The following SLC12A2 variants were observed in gnomAD, a reference collection of about 807,000 sequenced individuals.
The protein encoded by SLC12A2 is Na-K-2Cl cotransporter 1.
A neutral mutation model predicts 136.3 loss-of-function variants in SLC12A2; 67 were observed. That is an observed-to-expected ratio of 0.49 (90% confidence interval 0.40 to 0.60). The LOEUF (loss-of-function observed/expected upper bound fraction) is 0.60. SLC12A2 is among the 20% of genes least tolerant of loss of function. SLC12A2 has a pLI of 0.00. For synonymous variants in SLC12A2, 619 were observed against 562.9 expected (o/e 1.10, Z -1.41); for missense variants, 1,322 against 1,534.7 (o/e 0.86, Z 2.32).
chr5:128,116,899 T>C (rs1761371216), intron 4 of SLC12A2, among the ~76,000 whole-genome samples: 2 of 152,166 alleles, frequency 1.3e-5, no homozygotes, highest in African/African-American at 4.8e-5. Context: ...CTAACATGGT[T>C]TATTTTGGTA....
chr5:128,176,038 G>A (rs1262275541), intron 20 of SLC12A2, among the ~76,000 whole-genome samples: 3 of 151,722 alleles, frequency 2.0e-5, no homozygotes, highest in Admixed American at 6.6e-5. Flanking sequence ...CTATAGAAAC[G>A]TTTATACATT....
chr5:128,084,813 C>G lies in SLC12A2; in HGVS notation c.756+103C>G. On this transcript the variant is annotated intron_variant, in intron 1 of 26. Transcript: ENST00000262461. The surrounding 1 kb of genome is among the most constrained non-coding windows in gnomAD (Gnocchi z 5.6). The stretch of plus-strand genomic sequence containing the variant: ...GAGTTGAGGTGGCGGGAGTAGTAGA[C>G]GTGCACGACTTGCTGGCATCTCTGG... The G allele has an allele frequency of 7.9e-7, 1 of 1,261,020 alleles. No homozygotes were observed. Among genetic ancestry groups the G allele is most frequent in the Admixed American group, 2.8e-5 (1 of 35,554 alleles). The allele number at this position is 1,261,020 out of a possible 1,614,324, so 78.1% of individuals were successfully genotyped here. A position where few individuals can be genotyped will look rare whatever the true frequency, so the allele number is the denominator to read the frequency against.
Position 128,175,982 on chromosome 5 carries a change from G to T in SLC12A2, c.2930-1123G>T, listed in dbSNP as rs1032223475. Among the ~76,000 whole-genome samples the T allele has an allele frequency of 2.0e-5, 3 of 151,480 alleles. No homozygotes were observed. In the East Asian group the frequency reaches 5.8e-4, roughly 29 times the overall value. ...GAAATTAGTGTTTGCTTTATTTTGTGTTTATTTTCTGTTTAGTCAGTTATT... is the reference window on the plus strand; with the variant it reads ...GAAATTAGTGTTTGCTTTATTTTGTTTTTATTTTCTGTTTAGTCAGTTATT... On this transcript the variant is annotated intron_variant, in intron 20 of 26. Transcript: ENST00000262461.
chr5:128,109,373 C>T (rs899200321), intron 1 of SLC12A2: 1 of 316,028 alleles, frequency 3.2e-6, no homozygotes, highest in Non-Finnish European at 6.2e-6. Flanking sequence ...AGGCAGCACG[C>T]TTTGGAGTCG....
At chr5:128,176,371 T>C (rs10057122) in intron 20 of SLC12A2, among the ~76,000 whole-genome samples, 46,918 of 151,818 alleles carry the variant, frequency 0.31, 8,249 homozygotes, top group African/African-American at 0.48. Context: ...GAGCCCACTG[T>C]AGTATACTCT....
chr5:128,105,432 G>A (rs140177687), intron 1 of SLC12A2, among the ~76,000 whole-genome samples: 3 of 152,320 alleles, frequency 2.0e-5, no homozygotes, highest in Admixed American at 2.0e-4. Flanking sequence ...GTGGCTGACA[G>A]TGTCAGATGG....
chr5:128,147,551 C>A, intron 10 of SLC12A2, 71 bp from the exon 11 acceptor site: 1 of 930,000 alleles, frequency 1.1e-6, no homozygotes, highest in Non-Finnish European at 1.7e-6. Flanking sequence ...AAGATGTGAC[C>A]ACATAATATT....
intron 14 of SLC12A2, 55 bp from the exon 15 acceptor site, chr5:128,152,651 A>G (rs1464637015): frequency 5.6e-6 from 6 of 1,062,620 alleles, no homozygotes; most frequent in East Asian, 4.7e-5. Flanking sequence ...CAGATTGGCT[A>G]TTGATTGGTT....
At chr5:128,171,580 A>G (rs1290051693) in intron 18 of SLC12A2, 87 bp from the exon 19 acceptor site, 8 of 787,916 alleles carry the variant, frequency 1.0e-5, no homozygotes, top group Non-Finnish European at 1.7e-5. Context: ...AATTTTAGAG[A>G]TCATCTATTA....
At chr5:128,099,955 A>C (rs183785359) in intron 1 of SLC12A2, among the ~76,000 whole-genome samples, 2 of 152,322 alleles carry the variant, frequency 1.3e-5, no homozygotes, top group Non-Finnish European at 2.9e-5. Context: ...AGTAAGCTGT[A>C]AAACAATAAT....
Position 128,158,906 on chromosome 5 carries a change from C to A in SLC12A2, c.2475+742C>A, listed in dbSNP as rs1762948184. Among the ~76,000 whole-genome samples the A allele has an allele frequency of 2.7e-5, 4 of 148,030 alleles. No individual in the cohort carries two copies. The South Asian group carries it at 8.5e-4, about 31-fold the overall frequency. ...GACTTTTTAATGATTGCCATTCTGACAGGTGTGAAATAATTTTTTTATACT... is the reference window on the plus strand; with the variant it reads ...GACTTTTTAATGATTGCCATTCTGAAAGGTGTGAAATAATTTTTTTATACT... On this transcript the variant is annotated intron_variant, in intron 16 of 26. Transcript: ENST00000262461.
rs146226492 is a variant in SLC12A2, at chr5:128,146,479, C to G, written c.1774-1143C>G. Among the ~76,000 whole-genome samples the G allele has an allele frequency of 1.4e-3, 212 of 150,872 alleles. 1 individual carries two copies. Among genetic ancestry groups the G allele is most frequent in the African/African-American group, 4.2e-3 (174 of 41,256 alleles). On this transcript the variant is annotated intron_variant, in intron 10 of 26. Transcript: ENST00000262461. ...TGAACCAGGTTGTTTTTGAATTATGCCTCTCAGTTTGAATTCACCTGAATT... is the reference window on the plus strand; with the variant it reads ...TGAACCAGGTTGTTTTTGAATTATGGCTCTCAGTTTGAATTCACCTGAATT...
intron 4 of SLC12A2, among the ~76,000 whole-genome samples, chr5:128,118,958 C>T (rs562861462): frequency 4.0e-5 from 6 of 151,866 alleles, no homozygotes; most frequent in African/African-American, 7.2e-5. Context: ...ATTCAAGGCT[C>T]GAAAAAAGAT....
intron 1 of SLC12A2, among the ~76,000 whole-genome samples, chr5:128,088,502 T>C (rs1328172025): frequency 2.0e-5 from 3 of 152,342 alleles, no homozygotes; most frequent in Non-Finnish European, 4.4e-5. Context: ...AGACAATCCA[T>C]ACTAGCTCCT....
intron 20 of SLC12A2, among the ~76,000 whole-genome samples, chr5:128,175,148 C>A (rs572243879): frequency 6.6e-6 from 1 of 152,010 alleles, no homozygotes; most frequent in African/African-American, 2.4e-5. Context: ...CCAGCTGACA[C>A]GCAACAAGAA....
chr5:128,135,980 T>C (rs1762179034), intron 7 of SLC12A2, among the ~76,000 whole-genome samples, 172 bp downstream of exon 7: 1 of 152,072 alleles, frequency 6.6e-6, no homozygotes, highest in Admixed American at 6.5e-5. Flanking sequence ...GGAGTAAAAA[T>C]TACTTCTATT....
In SLC12A2 at chr5:128,128,817, A is replaced by C. The variant is rs570787451; in HGVS notation, c.1049-2250A>C. On this transcript the variant is annotated intron_variant, in intron 4 of 26. Transcript: ENST00000262461. ...AGTGGTAGATCTTTAAAAAAAAAAA[A>C]AAACCTCTAGGAAATAGGAATGGAA... Among the ~76,000 whole-genome samples the C allele has an allele frequency of 7.9e-5, 12 of 151,974 alleles. No individual in the cohort carries two copies. The South Asian group carries it at 2.5e-3, about 32-fold the overall frequency.
intron 13 of SLC12A2, 61 bp downstream of exon 13, chr5:128,150,159 CT>C (rs746168562): frequency 2.8e-6 from 3 of 1,084,418 alleles, no homozygotes; most frequent in Non-Finnish European, 2.8e-6. Flanking sequence ...GAAAATAAAA[CT>C]TTTGCCACAT....
intron 1 of SLC12A2, chr5:128,110,581 A>G: frequency 1.8e-6 from 2 of 1,115,746 alleles, no homozygotes; most frequent in Non-Finnish European, 1.4e-6. Flanking sequence ...TAAGTATCAA[A>G]TAAATATTGA....
Sources: gnomAD v4.1 joint callset for allele counts (sites outside exome capture counted in the v4.1 genomes callset) on GRCh38, gnomAD v4.1.1 for gene constraint, Gnocchi (gnomAD v3.1) non-coding constraint, MANE v1.5 for transcripts, NCBI Gene and HGNC (gene_info 2026-07-23, HGNC 2026-07-21) for gene names.